The following KCNIP4 variants were observed in gnomAD, a reference collection of about 807,000 sequenced individuals.
The protein encoded by KCNIP4 is Kv channel-interacting protein 4.
KCNIP4 carries 12 observed loss-of-function variants against 34.0 expected under a neutral mutation model. That is an observed-to-expected ratio of 0.35 (90% CI 0.23 to 0.57). The LOEUF is 0.57. KCNIP4 is among the 20% of genes least tolerant of loss of function. The probability of loss-of-function intolerance (pLI) is 0.83; values close to 1 mark genes in which losing one functional copy is unlikely to be tolerated. For missense variants in KCNIP4, 238 were observed against 311.7 expected (o/e 0.76, Z 1.78); for synonymous variants, 124 against 102.2 (o/e 1.21, Z -1.29).
At chr4:21,089,489 T>C (rs2109040170) in intron 1 of KCNIP4, among the ~76,000 whole-genome samples, 1 of 152,346 alleles carries the variant, frequency 6.6e-6, no homozygotes, top group East Asian at 1.9e-4. Flanking sequence ...AATGAACTAA[T>C]ACAGCACTGA....
At chr4:21,196,205 A>G (rs532254200) in intron 1 of KCNIP4, among the ~76,000 whole-genome samples, 87 of 152,280 alleles carry the variant, frequency 5.7e-4, no homozygotes, top group African/African-American at 2.0e-3. Flanking sequence ...AACGATTTCA[A>G]TGTTTCCTTC....
At chr4:21,945,483 G>C (rs2109024411) in intron 1 of KCNIP4, among the ~76,000 whole-genome samples, 1 of 152,254 alleles carries the variant, frequency 6.6e-6, no homozygotes, top group Middle Eastern at 3.4e-3. Flanking sequence ...ACTAATTTGA[G>C]TTTGCCTTAT....
At chr4:21,745,791 C>A (rs1716736360) in intron 1 of KCNIP4, among the ~76,000 whole-genome samples, 1 of 152,044 alleles carries the variant, frequency 6.6e-6, no homozygotes, top group Non-Finnish European at 1.5e-5. Context: ...AGACAAATAA[C>A]CACTTTGCAA....
intron 1 of KCNIP4, among the ~76,000 whole-genome samples, chr4:21,011,533 A>G (rs1396897257): frequency 6.6e-6 from 1 of 152,214 alleles, no homozygotes; most frequent in Non-Finnish European, 1.5e-5. Flanking sequence ...CTGGACTATA[A>G]ATGATTACGT....
intron 1 of KCNIP4, among the ~76,000 whole-genome samples, chr4:21,661,522 C>T (rs148352503): frequency 8.8e-4 from 134 of 152,282 alleles, no homozygotes; most frequent in African/African-American, 3.1e-3. Flanking sequence ...GCCACATCCA[C>T]GTCACAAGTC....
chr4:20,733,788 C>G (rs1289022617), intron 6 of KCNIP4, among the ~76,000 whole-genome samples: 1 of 152,182 alleles, frequency 6.6e-6, no homozygotes, highest in Non-Finnish European at 1.5e-5. Context: ...TTGGCACCCA[C>G]TAGTGATACC....
chr4:21,740,095 C>T (rs1716292254), intron 1 of KCNIP4, among the ~76,000 whole-genome samples: 2 of 152,080 alleles, frequency 1.3e-5, no homozygotes, highest in South Asian at 4.1e-4. Context: ...TATATGTATA[C>T]ACATGAATAT....
At chr4:21,931,320 AG>A (rs1185988037) in intron 1 of KCNIP4, among the ~76,000 whole-genome samples, 5 of 150,944 alleles carry the variant, frequency 3.3e-5, no homozygotes, top group African/African-American at 1.2e-4. Flanking sequence ...TACAACGTGC[AG>A]GTTTGTTACA....
At chr4:20,802,206 A>G (rs1052604682) in intron 3 of KCNIP4, among the ~76,000 whole-genome samples, 3 of 92,102 alleles carry the variant, frequency 3.3e-5, no homozygotes, top group Non-Finnish European at 4.5e-5. Context: ...CTATATATAT[A>G]TGCTACATAT....
At chr4:21,171,878 T>C (rs545112186) in intron 1 of KCNIP4, among the ~76,000 whole-genome samples, 9 of 152,300 alleles carry the variant, frequency 5.9e-5, no homozygotes, top group Non-Finnish European at 1.2e-4. Flanking sequence ...CTATAAATAC[T>C]TGTCTCAGCT....
chr4:21,403,641 C>G (rs1278240779), intron 1 of KCNIP4, among the ~76,000 whole-genome samples: 1 of 152,178 alleles, frequency 6.6e-6, no homozygotes, highest in African/African-American at 2.4e-5. Context: ...TTAATCAATT[C>G]CTGTTGCTAT....
At chr4:21,211,192 T>G (rs989128246) in intron 1 of KCNIP4, among the ~76,000 whole-genome samples, 1 of 152,220 alleles carries the variant, frequency 6.6e-6, no homozygotes, top group Non-Finnish European at 1.5e-5. Context: ...TAGTTTGTAC[T>G]CATAAGGTGC....
intron 1 of KCNIP4, among the ~76,000 whole-genome samples, chr4:21,555,145 C>T (rs1312931336): frequency 3.9e-5 from 6 of 152,198 alleles, no homozygotes; most frequent in Middle Eastern, 3.4e-3. Flanking sequence ...AATAGTGGTA[C>T]GTCCTTTCCC....
chr4:21,467,268 G>T (rs1283441371), intron 1 of KCNIP4, among the ~76,000 whole-genome samples: 1 of 152,112 alleles, frequency 6.6e-6, no homozygotes, highest in East Asian at 1.9e-4. Context: ...TGGTTTGTTT[G>T]TATAACAAGA....
chr4:21,038,598 G>A (rs1472798781), intron 1 of KCNIP4, among the ~76,000 whole-genome samples: 2 of 152,140 alleles, frequency 1.3e-5, no homozygotes, highest in East Asian at 3.9e-4. Flanking sequence ...AGCAATGTAG[G>A]CAAACAAAAG....
intron 1 of KCNIP4, among the ~76,000 whole-genome samples, chr4:21,829,676 C>T (rs1045053906): frequency 1.3e-5 from 2 of 151,656 alleles, no homozygotes; most frequent in African/African-American, 4.8e-5. Context: ...AAAGCAAAAA[C>T]CTATAGCAGC....
intron 1 of KCNIP4, among the ~76,000 whole-genome samples, chr4:21,476,409 A>G (rs1730979912): frequency 6.6e-6 from 1 of 152,158 alleles, no homozygotes; most frequent in South Asian, 2.1e-4. Flanking sequence ...ATTAGGTTAT[A>G]AAGATGGGGC....
chr4:21,464,072 T>A (rs1054233342), intron 1 of KCNIP4, among the ~76,000 whole-genome samples: 1 of 152,018 alleles, frequency 6.6e-6, no homozygotes, highest in African/African-American at 2.4e-5. Flanking sequence ...CCACTCCCAT[T>A]TTTGATTTTA....
intron 1 of KCNIP4, among the ~76,000 whole-genome samples, chr4:21,193,841 G>A (rs1020963675): frequency 4.6e-5 from 7 of 152,138 alleles, no homozygotes; most frequent in Non-Finnish European, 8.8e-5. Flanking sequence ...AAAGTGCTGG[G>A]ATTACAGGCG....
Sources: gnomAD v4.1 joint callset for allele counts (sites outside exome capture counted in the v4.1 genomes callset) on GRCh38, gnomAD v4.1.1 for gene constraint, MANE v1.5 for transcripts, NCBI Gene and HGNC (gene_info 2026-07-23, HGNC 2026-07-21) for gene names.